Variants in RNF182 observed in about 807,000 individuals in gnomAD.
RNF182 encodes the protein ring finger protein 182, also known as E3 ubiquitin-protein ligase RNF182.
In RNF182, 15 loss-of-function variants were observed where a neutral mutation model predicts 14.4. That is an observed-to-expected ratio of 1.04 (90% CI 0.70 to 1.60). RNF182 has a LOEUF of 1.60. Ranked by LOEUF, RNF182 falls within the 40% of genes most tolerant of loss-of-function variation. RNF182 has a pLI of 0.00. For missense variants in RNF182, 268 were observed against 294.8 expected (o/e 0.91, Z 0.67); for synonymous variants, 128 against 122.9 (o/e 1.04, Z -0.27).
intron 1 of RNF182, chr6:13,961,499 C>G (rs761096797): frequency 2.6e-5 from 4 of 152,170 alleles, no homozygotes; most frequent in Non-Finnish European, 5.9e-5. Context: ...AAGGGATGGT[C>G]ATACTCCTGG....
chr6:13,947,648 TG>T (rs1353659005), intron 1 of RNF182, among the ~76,000 whole-genome samples: 1 of 152,182 alleles, frequency 6.6e-6, no homozygotes, highest in East Asian at 1.9e-4. Context: ...CCAAGATATT[TG>T]GGGCTCCTGG....
intron 1 of RNF182, among the ~76,000 whole-genome samples, chr6:13,971,218 A>C (rs1459422350): frequency 6.6e-6 from 1 of 152,174 alleles, no homozygotes; most frequent in Non-Finnish European, 1.5e-5. Flanking sequence ...TAATTGAATT[A>C]TGGGGGCAGT....
At chr6:13,971,374 T>G (rs1211566775) in intron 1 of RNF182, among the ~76,000 whole-genome samples, 3 of 152,176 alleles carry the variant, frequency 2.0e-5, no homozygotes, top group African/African-American at 7.2e-5. Flanking sequence ...CTGTCATGAT[T>G]GTGAGGCCTC....
intron 1 of RNF182, among the ~76,000 whole-genome samples, chr6:13,955,796 T>G (rs1759713675): frequency 6.6e-6 from 1 of 152,176 alleles, no homozygotes; most frequent in African/African-American, 2.4e-5. Flanking sequence ...CTCACACCTG[T>G]AATTGCAGCA....
In RNF182 at chr6:13,978,993, G is replaced by A. The variant is rs1680442933; in HGVS notation, c.*1130G>A. On this transcript the variant is annotated 3_prime_UTR_variant, in exon 3 of 3. Transcript: ENST00000488300. ...CTTTGTGTTGTAGTCTAGACAAAGG[G>A]GTGGGCAAGAGACATGCAAAGCTGA... 1 of 167,006 alleles carries A rather than the reference G, an allele frequency of 6.0e-6. No homozygotes were observed. Among genetic ancestry groups the A allele is most frequent in the Admixed American group, 6.5e-5 (1 of 15,272 alleles). The allele number at this position is 167,006 out of a possible 1,614,324, so 10.3% of individuals were successfully genotyped here. A position where few individuals can be genotyped will look rare whatever the true frequency, so the allele number is the denominator to read the frequency against.
intron 1 of RNF182, among the ~76,000 whole-genome samples, chr6:13,973,698 C>T (rs1760253526): frequency 6.6e-6 from 1 of 152,162 alleles, no homozygotes; most frequent in South Asian, 2.1e-4. Context: ...CCTCCCCAGC[C>T]ATGTGGAACT....
chr6:13,965,225 A>G (rs1759991539), intron 1 of RNF182, among the ~76,000 whole-genome samples: 1 of 152,232 alleles, frequency 6.6e-6, no homozygotes, highest in African/African-American at 2.4e-5. Context: ...TGAAGGTGAT[A>G]ATGATCATTC....
At chr6:13,951,514 C>T (rs943553740) in intron 1 of RNF182, among the ~76,000 whole-genome samples, 1 of 152,192 alleles carries the variant, frequency 6.6e-6, no homozygotes, top group African/African-American at 2.4e-5. Flanking sequence ...GAGTATTCCT[C>T]CCTCATAGCT....
intron 1 of RNF182, among the ~76,000 whole-genome samples, chr6:13,939,919 G>A (rs181872162): frequency 2.5e-3 from 376 of 152,318 alleles, no homozygotes; most frequent in Middle Eastern, 6.8e-3. Context: ...TAACTTATTT[G>A]TAGAATGATT....
intron 1 of RNF182, chr6:13,949,639 T>C (rs1759533175): frequency 1.2e-5 from 4 of 343,922 alleles, no homozygotes; most frequent in African/African-American, 6.5e-5. Flanking sequence ...TCAGAAGTTA[T>C]CATGATCGAA....
intron 1 of RNF182, among the ~76,000 whole-genome samples, chr6:13,944,380 A>T (rs1759383149): frequency 6.6e-6 from 1 of 152,140 alleles, no homozygotes; most frequent in Admixed American, 6.5e-5. Flanking sequence ...CCTTGGGCTG[A>T]TAGAACCTGA....
intron 1 of RNF182, among the ~76,000 whole-genome samples, chr6:13,954,453 C>T (rs1013711342): frequency 6.6e-5 from 10 of 152,196 alleles, no homozygotes; most frequent in African/African-American, 2.4e-4. Flanking sequence ...GCTTTTCTAA[C>T]CTGTGGCCTG....
chr6:13,952,132 C>T (rs6938461), intron 1 of RNF182, among the ~76,000 whole-genome samples: 29,545 of 151,926 alleles, frequency 0.19, 3,266 homozygotes, highest in East Asian at 0.46. Flanking sequence ...AAGGGAAGGG[C>T]GAAAAGCATT....
At position 13,960,646 on chromosome 6, in the gene RNF182, G is replaced by GAGAGAGA. The variant is rs1561784304; in HGVS notation, c.-366-13564_-366-13563insAGAGAGA. Among the ~76,000 whole-genome samples the GAGAGAGA allele has an allele frequency of 1.8e-3, 274 of 148,150 alleles. 1 individual carries two copies. Among genetic ancestry groups the GAGAGAGA allele is most frequent in the African/African-American group, 6.6e-3 (256 of 38,998 alleles). On this transcript the variant is annotated intron_variant, in intron 1 of 2. Transcript: ENST00000488300. ...AGTAATATGTACTTTTTTGATGGAG[G>GAGAGAGA]GAGAGAGAGAGTGTGTGTGTGTGTG...
At chr6:13,967,667 A>G (rs2113639900) in intron 1 of RNF182, among the ~76,000 whole-genome samples, 1 of 152,304 alleles carries the variant, frequency 6.6e-6, no homozygotes, top group Admixed American at 6.5e-5. Context: ...TAGAAATTAC[A>G]TATGGCAATA....
chr6:13,941,157 G>A (rs992401823), intron 1 of RNF182, among the ~76,000 whole-genome samples: 1 of 151,924 alleles, frequency 6.6e-6, no homozygotes, highest in Non-Finnish European at 1.5e-5. Context: ...TTACTGGGAA[G>A]GATAAGCAAA....
intron 1 of RNF182, among the ~76,000 whole-genome samples, chr6:13,944,690 G>A (rs1759391810): frequency 6.6e-6 from 1 of 152,202 alleles, no homozygotes; most frequent in Admixed American, 6.5e-5. Flanking sequence ...TGCTATATCT[G>A]TTATTTGTAC....
chr6:13,941,104 C>G (rs1047545954), intron 1 of RNF182, among the ~76,000 whole-genome samples: 1 of 151,930 alleles, frequency 6.6e-6, no homozygotes, highest in Non-Finnish European at 1.5e-5. Context: ...TTGTATTGAT[C>G]AAAGTTTCTA....
At chr6:13,970,270 A>G (rs759776544) in intron 1 of RNF182, among the ~76,000 whole-genome samples, 17 of 152,308 alleles carry the variant, frequency 1.1e-4, no homozygotes, top group Middle Eastern at 3.4e-3. Context: ...GTTTGTACCC[A>G]TTAACCAACC....
Sources: gnomAD v4.1 joint callset for allele counts (sites outside exome capture counted in the v4.1 genomes callset) on GRCh38, gnomAD v4.1.1 for gene constraint, MANE v1.5 for transcripts, NCBI Gene and HGNC (gene_info 2026-07-23, HGNC 2026-07-21) for gene names.